SMCO2: variants seen among roughly 807,000 people sequenced by gnomAD.
The protein encoded by SMCO2 is single-pass membrane and coiled-coil domain-containing protein 2.
A neutral mutation model predicts 29.5 loss-of-function variants in SMCO2; 25 were observed. The ratio of observed to expected loss-of-function variants is 0.85; its 90% CI spans 0.62 to 1.18. The LOEUF (loss-of-function observed/expected upper bound fraction) is 1.18, where lower values mean the gene tolerates loss of function less well. Ranked by LOEUF, SMCO2 falls within the 50% of genes most tolerant of loss-of-function variation. SMCO2 has a pLI of 0.00. For missense variants in SMCO2, 348 were observed against 344.5 expected, an observed-to-expected ratio of 1.01 and a Z score of -0.08; for synonymous variants, 117 against 123.3, an observed-to-expected ratio of 0.95 and a Z score of 0.34.
At chr12:27,487,049 G>C (rs1422976869) in intron 4 of SMCO2, among the ~76,000 whole-genome samples, 1 of 152,140 alleles carries the variant, frequency 6.6e-6, no homozygotes, top group Non-Finnish European at 1.5e-5. Flanking sequence ...CCAAGAAACT[G>C]ACATTGGTAC....
chr12:27,481,038 A>C (rs1268217553), intron 4 of SMCO2, among the ~76,000 whole-genome samples: 1 of 152,142 alleles, frequency 6.6e-6, no homozygotes, highest in Admixed American at 6.5e-5. Context: ...TGCTTGAGCT[A>C]GAGTGCTGGG....
chr12:27,435,067 G>A, the SMCO2 span, among the ~76,000 whole-genome samples: 2 of 151,878 alleles, frequency 1.3e-5, no homozygotes, highest in Non-Finnish European at 2.9e-5. Flanking sequence ...TATACTCCTG[G>A]GTAATGTTCC....
chr12:27,446,878 C>A, the SMCO2 span, among the ~76,000 whole-genome samples: 1 of 152,124 alleles, frequency 6.6e-6, no homozygotes, highest in Non-Finnish European at 1.5e-5. Context: ...TTCCCTGATG[C>A]TTTTGCTGAT....
At chr12:27,459,752 A>G in the SMCO2 span, among the ~76,000 whole-genome samples, 6 of 152,226 alleles carry the variant, frequency 3.9e-5, no homozygotes, top group African/African-American at 7.2e-5. Flanking sequence ...ATAGCTGCTC[A>G]AGCCATCACA....
intron 6 of SMCO2, among the ~76,000 whole-genome samples, chr12:27,495,230 TTAACATGTAATA>T (rs1187172503): frequency 2.2e-5 from 3 of 138,800 alleles, no homozygotes; most frequent in Admixed American, 2.1e-4. Context: ...AGTGTGTATC[TTAACATGTAATA>T]TAGAATGTAT....
At chr12:27,441,083 C>T in the SMCO2 span, among the ~76,000 whole-genome samples, 3 of 151,786 alleles carry the variant, frequency 2.0e-5, no homozygotes, top group Non-Finnish European at 2.9e-5. Flanking sequence ...CATGGCAAAA[C>T]ATGTCTCCAC....
the SMCO2 span, among the ~76,000 whole-genome samples, chr12:27,461,100 G>T: frequency 6.6e-6 from 1 of 152,140 alleles, no homozygotes; most frequent in Non-Finnish European, 1.5e-5. Context: ...TGTAGTATTT[G>T]CATATAACCT....
intron 3 of SMCO2, among the ~76,000 whole-genome samples, chr12:27,473,984 T>C (rs1949562952): frequency 6.6e-6 from 1 of 152,214 alleles, no homozygotes; most frequent in Non-Finnish European, 1.5e-5. Context: ...GTAAATTGTA[T>C]TGATCAAACT....
At chr12:27,449,021 C>T in the SMCO2 span, among the ~76,000 whole-genome samples, 1 of 152,152 alleles carries the variant, frequency 6.6e-6, no homozygotes, top group South Asian at 2.1e-4. Context: ...TGTATGTTGG[C>T]TCAAAAAGTT....
chr12:27,465,001 C>G (rs192313977), upstream of SMCO2, among the ~76,000 whole-genome samples: 1 of 141,960 alleles, frequency 7.0e-6, no homozygotes, highest in Non-Finnish European at 1.5e-5. Flanking sequence ...TGCACTCCAG[C>G]CTGAGCAACA....
chr12:27,491,223 A>G (rs1949732477), intron 5 of SMCO2, among the ~76,000 whole-genome samples: 1 of 152,182 alleles, frequency 6.6e-6, no homozygotes, highest in African/African-American at 2.4e-5. Flanking sequence ...AAATTGGTGA[A>G]ATTATTTTTT....
chr12:27,452,586 C>A, the SMCO2 span, among the ~76,000 whole-genome samples: 1 of 152,190 alleles, frequency 6.6e-6, no homozygotes, highest in African/African-American at 2.4e-5. Context: ...ACCTCTTGGG[C>A]TTAAGCAATC....
At chr12:27,435,335 AGGGCTGAAT>A in the SMCO2 span, among the ~76,000 whole-genome samples, 2 of 115,430 alleles carry the variant, frequency 1.7e-5, no homozygotes, top group Non-Finnish European at 3.4e-5. Flanking sequence ...GTCTGCAGAC[AGGGCTGAAT>A]GTCCTCTGGG....
exon 4 of SMCO2, chr12:27,474,839 G>C: frequency 2.6e-6 from 4 of 1,551,650 alleles, no homozygotes; most frequent in Non-Finnish European, 3.5e-6. Context: ...AACAGGATAA[G>C]CAAGAAACAG....
At chr12:27,477,209 GGTTT>G (rs1309804389) in intron 4 of SMCO2, among the ~76,000 whole-genome samples, 42 of 134,060 alleles carry the variant, frequency 3.1e-4, no homozygotes, top group African/African-American at 1.1e-3. Context: ...TTGGCTGTCA[GGTTT>G]TTTTTTTTTT....
the SMCO2 span, among the ~76,000 whole-genome samples, chr12:27,436,121 G>A: frequency 2.0e-5 from 3 of 152,236 alleles, no homozygotes; most frequent in East Asian, 5.8e-4. Flanking sequence ...CTTTTATGAA[G>A]GCACTAATCC....
the SMCO2 span, among the ~76,000 whole-genome samples, chr12:27,434,543 T>A: frequency 6.6e-6 from 1 of 152,204 alleles, no homozygotes; most frequent in Non-Finnish European, 1.5e-5. Context: ...ACAGAAGTTG[T>A]CTATGTATCT....
chr12:27,464,312 G>A (rs1158138547), upstream of SMCO2, among the ~76,000 whole-genome samples: 9 of 152,278 alleles, frequency 5.9e-5, no homozygotes, highest in South Asian at 2.1e-4. Flanking sequence ...CGAGGTCACC[G>A]CCCACAGAGG....
intron 4 of SMCO2, among the ~76,000 whole-genome samples, chr12:27,479,069 T>C (rs1007594315): frequency 1.2e-4 from 19 of 152,038 alleles, no homozygotes; most frequent in African/African-American, 4.6e-4. Context: ...CTTGATAGTG[T>C]ATGTGGGTGT....
Sources: gnomAD v4.1 joint callset for allele counts (sites outside exome capture counted in the v4.1 genomes callset) on GRCh38, gnomAD v4.1.1 for gene constraint, MANE v1.5 for transcripts, NCBI Gene and HGNC (gene_info 2026-07-23, HGNC 2026-07-21) for gene names.